Variants in CCBE1 observed in about 807,000 individuals in gnomAD.
CCBE1 encodes collagen and calcium-binding EGF domain-containing protein 1.
In CCBE1, 37 loss-of-function variants were observed where a neutral mutation model predicts 50.0. That is an observed-to-expected ratio of 0.74 (90% CI 0.57 to 0.97). The LOEUF is 0.97. Ranked by LOEUF, CCBE1 falls within the 50% of genes least tolerant of loss-of-function variation. The pLI is 0.00. For missense variants in CCBE1, 538 were observed against 523.8 expected, an observed-to-expected ratio of 1.03 and a Z score of -0.26; for synonymous variants, 234 against 203.7, an observed-to-expected ratio of 1.15 and a Z score of -1.27.
chr18:59,695,177 CAG>C (rs1375781640), intron 2 of CCBE1, among the ~76,000 whole-genome samples: 2 of 152,196 alleles, frequency 1.3e-5, no homozygotes, highest in Non-Finnish European at 2.9e-5. Context: ...CAAACCATCT[CAG>C]AGACATTTCC....
intron 2 of CCBE1, among the ~76,000 whole-genome samples, chr18:59,641,272 T>G (rs559205136): frequency 2.0e-5 from 3 of 152,002 alleles, no homozygotes; most frequent in Non-Finnish European, 2.9e-5. Flanking sequence ...GAATACTACA[T>G]AGCTATAAAA....
intron 2 of CCBE1, among the ~76,000 whole-genome samples, chr18:59,599,665 C>A (rs1216668839): frequency 6.6e-6 from 1 of 152,150 alleles, no homozygotes; most frequent in Non-Finnish European, 1.5e-5. Context: ...ACCATGAGAT[C>A]CTGAGCAGGA....
intron 2 of CCBE1, among the ~76,000 whole-genome samples, chr18:59,518,133 C>A (rs1914453282): frequency 6.6e-6 from 1 of 152,156 alleles, no homozygotes; most frequent in Non-Finnish European, 1.5e-5. Flanking sequence ...GTTTCCACCC[C>A]CATAGCAGGC....
chr18:59,688,129 C>G (rs2054682043), intron 2 of CCBE1: 1 of 152,086 alleles, frequency 6.6e-6, no homozygotes, highest in African/African-American at 2.4e-5. Context: ...CAAATATATG[C>G]TATCATTTGA....
At chr18:59,658,510 G>A (rs1284293918) in intron 2 of CCBE1, among the ~76,000 whole-genome samples, 1 of 144,220 alleles carries the variant, frequency 6.9e-6, no homozygotes, top group African/African-American at 2.5e-5. Context: ...CAAGGCTGCA[G>A]TGAGCTGTGA....
intron 2 of CCBE1, among the ~76,000 whole-genome samples, chr18:59,685,522 C>G (rs550749305): frequency 2.6e-4 from 39 of 152,322 alleles, no homozygotes; most frequent in African/African-American, 9.1e-4. Flanking sequence ...AAGAACCAGG[C>G]TGCTCACAAC....
At chr18:59,584,460 C>T (rs2053145774) in intron 2 of CCBE1, among the ~76,000 whole-genome samples, 1 of 152,008 alleles carries the variant, frequency 6.6e-6, no homozygotes, top group Admixed American at 6.6e-5. Context: ...CGTAACTAAC[C>T]TGTACATTGT....
At chr18:59,545,664 T>C (rs721061) in intron 2 of CCBE1, among the ~76,000 whole-genome samples, 32,370 of 152,200 alleles carry the variant, frequency 0.21, 3,654 homozygotes, top group Admixed American at 0.24. Flanking sequence ...ATTGTACTCC[T>C]ATAATTCCCA....
rs189514234 is a variant in CCBE1, at chr18:59,678,165, G to A, written c.212+18464C>T. On this transcript the variant is annotated intron_variant, in intron 2 of 10. Coordinates refer to ENST00000439986, the MANE Select transcript of CCBE1 (RefSeq NM_133459.4). ...AGCTGAATTTTCTCCTACCATAGAA[G>A]GAGGGGGGAGGACTCAAAAACTGAA... 7.6e-4 allele frequency among the ~76,000 whole-genome samples: 115 copies of A among 152,308 alleles called. 1 individual carries two copies. The highest frequency in any genetic ancestry group is 2.6e-3 in the African/African-American group (108 of 41,566).
intron 2 of CCBE1, among the ~76,000 whole-genome samples, chr18:59,634,616 T>C (rs2053893046): frequency 1.3e-5 from 2 of 151,948 alleles, no homozygotes; most frequent in African/African-American, 4.8e-5. Context: ...AAGAGAGAAA[T>C]AGCATACCCA....
intron 2 of CCBE1, among the ~76,000 whole-genome samples, chr18:59,547,471 C>G (rs779625696): frequency 2.6e-5 from 4 of 151,876 alleles, no homozygotes; most frequent in Non-Finnish European, 5.9e-5. Context: ...GAAAATTGGC[C>G]CCAGGGAGAG....
chr18:59,615,985 A>G (rs1864304), intron 2 of CCBE1, among the ~76,000 whole-genome samples: 76,946 of 152,114 alleles, frequency 0.51, 20,177 homozygotes, highest in East Asian at 0.78. Flanking sequence ...GAAAGTCTAA[A>G]GGCATCACAG....
In CCBE1 at chr18:59,439,768, G is replaced by A. The variant is rs1023620788; in HGVS notation, c.824C>T (p.Pro275Leu). The A allele has an allele frequency of 2.5e-6, 4 of 1,614,066 alleles. No individual in the cohort carries two copies. The highest frequency in any genetic ancestry group is 1.7e-5 in the Admixed American group (1 of 60,012). ...GCCCCGTGGGCCGGGCTGCCCAGGA[G>A]GGCCTGGCATACCGGGGAAGCCTGG... ...GSPGFPGMPG[P>L]PGQPGPRGSM... The change falls in exon 8 of 11, where the codon CCT (proline) becomes CTT (leucine). Residue 275 changes from proline to leucine, a missense_variant. Pro to Leu is a moderately conservative substitution (Grantham distance 98). Coordinates refer to ENST00000439986, the MANE Select transcript of CCBE1 (RefSeq NM_133459.4).
chr18:59,504,278 TAC>T (rs1913765581), intron 2 of CCBE1, among the ~76,000 whole-genome samples: 1 of 152,228 alleles, frequency 6.6e-6, no homozygotes. Context: ...ACTCTAGCTA[TAC>T]ACATTTTCTT....
At chr18:59,541,206 T>A (rs1915453115) in intron 2 of CCBE1, among the ~76,000 whole-genome samples, 1 of 152,206 alleles carries the variant, frequency 6.6e-6, no homozygotes, top group Non-Finnish European at 1.5e-5. Flanking sequence ...TACACTTGAA[T>A]TAAGTAGAAT....
intron 2 of CCBE1, among the ~76,000 whole-genome samples, chr18:59,529,195 G>C (rs1211260005): frequency 2.0e-5 from 3 of 152,130 alleles, no homozygotes; most frequent in Middle Eastern, 3.4e-3. Flanking sequence ...GGGAGGCCCT[G>C]CCCGGTGAGG....
At chr18:59,681,049 GAAAA>G (rs34876275) in intron 2 of CCBE1, among the ~76,000 whole-genome samples, 1 of 85,464 alleles carries the variant, frequency 1.2e-5, no homozygotes. Context: ...ATTTGGCTGA[GAAAA>G]AAAAAAAAAA....
chr18:59,599,261 AATTAT>A (rs2053397824), intron 2 of CCBE1, among the ~76,000 whole-genome samples: 1 of 152,166 alleles, frequency 6.6e-6, no homozygotes, highest in Non-Finnish European at 1.5e-5. Flanking sequence ...AATATCTATA[AATTAT>A]ATTATGTGCC....
intron 2 of CCBE1, among the ~76,000 whole-genome samples, chr18:59,651,031 T>C (rs2054120334): frequency 6.6e-6 from 1 of 152,116 alleles, no homozygotes; most frequent in African/African-American, 2.4e-5. Context: ...AGAACTAACC[T>C]TTTCCTCGCC....
Sources: gnomAD v4.1 joint callset for allele counts (sites outside exome capture counted in the v4.1 genomes callset) on GRCh38, gnomAD v4.1.1 for gene constraint, MANE v1.5 for transcripts, NCBI Gene and HGNC (gene_info 2026-07-23, HGNC 2026-07-21) for gene names.